BZW2: variants seen among roughly 807,000 people sequenced by gnomAD.
The protein encoded by BZW2 is eIF5-mimic protein 1.
Under a neutral mutation model 53.2 loss-of-function variants are expected in BZW2, and 23 were observed. The ratio of observed to expected loss-of-function variants is 0.43; its 90% CI spans 0.31 to 0.61. The LOEUF (loss-of-function observed/expected upper bound fraction) is 0.61. BZW2 is among the 20% of genes least tolerant of loss of function. The pLI is 0.09. For missense variants in BZW2, 409 were observed against 503.1 expected (o/e 0.81, Z 1.79); for synonymous variants, 227 against 186.4 (o/e 1.22, Z -1.77).
intron 7 of BZW2, among the ~76,000 whole-genome samples, chr7:16,693,107 G>C (rs532095472): frequency 6.6e-6 from 1 of 152,266 alleles, no homozygotes; most frequent in South Asian, 2.1e-4. Context: ...CTGCAGAATG[G>C]TGTGTAATGT....
intron 8 of BZW2, 150 bp downstream of exon 8, chr7:16,695,154 T>C: frequency 1.4e-6 from 1 of 707,428 alleles, no homozygotes; most frequent in South Asian, 6.0e-5. Flanking sequence ...TTAACTCAGC[T>C]TCAAAGTATT....
intron 1 of BZW2, among the ~76,000 whole-genome samples, chr7:16,663,003 A>G (rs905258079): frequency 2.0e-5 from 3 of 152,182 alleles, no homozygotes; most frequent in African/African-American, 7.2e-5. Context: ...AATAATATGT[A>G]TATCATCATC....
Position 16,694,854 on chromosome 7 carries a change from A to G in BZW2, c.672A>G (p.Arg224=), listed in dbSNP as rs1161650544. ...TTCAGGAACTCTTTCCAGTTAACAG[A>G]CAGAGTGTGGATCATTTTGCTAAAT... ...KRLLELFPVN[R]QSVDHFAKYF... The change falls in exon 8 of 12, where the codon AGA becomes AGG. Residue 224 remains arginine, a synonymous_variant. Transcript: ENST00000258761. The G allele has an allele frequency of 1.3e-6, 2 of 1,530,512 alleles. No homozygotes were observed. Among genetic ancestry groups the G allele is most frequent in the Non-Finnish European group, 1.8e-6 (2 of 1,120,280 alleles). 94.8% of individuals were successfully genotyped at this position (1,530,512 alleles called of 1,614,324 possible).
At chr7:16,680,510 A>G (rs1018625811) in intron 3 of BZW2, among the ~76,000 whole-genome samples, 1 of 152,214 alleles carries the variant, frequency 6.6e-6, no homozygotes, top group African/African-American at 2.4e-5. Flanking sequence ...TATTAGAAAC[A>G]TGAAGTATAC....
intron 1 of BZW2, among the ~76,000 whole-genome samples, chr7:16,660,848 G>T (rs1329900077): frequency 6.6e-6 from 1 of 152,014 alleles, no homozygotes; most frequent in Non-Finnish European, 1.5e-5. Flanking sequence ...GTTCACAAAG[G>T]ACCTCCTGGG....
intron 8 of BZW2, among the ~76,000 whole-genome samples, chr7:16,696,401 C>T (rs1279315824): frequency 6.6e-6 from 1 of 152,198 alleles, no homozygotes; most frequent in African/African-American, 2.4e-5. Context: ...TGCCTTTGCA[C>T]TTACAATTTA....
intron 2 of BZW2, among the ~76,000 whole-genome samples, chr7:16,667,262 C>T (rs1420219693): frequency 4.3e-5 from 6 of 138,748 alleles, no homozygotes; most frequent in Admixed American, 3.1e-4. Flanking sequence ...GCCTGGGCAA[C>T]GAGTGAAGCT....
intron 2 of BZW2, among the ~76,000 whole-genome samples, chr7:16,672,301 A>G (rs2128357466): frequency 6.6e-6 from 1 of 152,110 alleles, no homozygotes; most frequent in Non-Finnish European, 1.5e-5. Context: ...TTTTTTGGAT[A>G]TTTGACAGGT....
chr7:16,674,397 A>G lies in BZW2; in HGVS notation c.59-15A>G. 3 of 1,545,716 alleles carry G rather than the reference A, an allele frequency of 1.9e-6. No homozygotes were observed. The highest frequency in any genetic ancestry group is 2.6e-6 in the Non-Finnish European group (3 of 1,139,892). ...TTTATTTATTTGACTGTTATTTTGA[A>G]TTGTTTTATTTTAGATGAAAAAGAG... On this transcript the variant is annotated splice_polypyrimidine_tract_variant and intron_variant, in intron 2 of 11. Transcript: ENST00000258761.
intron 3 of BZW2, among the ~76,000 whole-genome samples, chr7:16,676,306 T>C (rs1253117329): frequency 2.0e-5 from 3 of 152,158 alleles, no homozygotes; most frequent in Non-Finnish European, 1.5e-5. Context: ...CCCAGCACTT[T>C]GGGAAGCCAA....
chr7:16,654,640 T>A (rs1428185560), intron 1 of BZW2, among the ~76,000 whole-genome samples: 1 of 151,652 alleles, frequency 6.6e-6, no homozygotes, highest in African/African-American at 2.4e-5. Flanking sequence ...GTTCAAGTGA[T>A]TCTCATGCCT....
intron 1 of BZW2, among the ~76,000 whole-genome samples, chr7:16,650,699 C>G (rs2128349481): frequency 6.6e-6 from 1 of 152,310 alleles, no homozygotes; most frequent in East Asian, 1.9e-4. Flanking sequence ...ATCCACCAAT[C>G]TTAGCAGGTC....
intron 10 of BZW2, among the ~76,000 whole-genome samples, chr7:16,699,526 A>G (rs1160565474): frequency 2.6e-5 from 4 of 152,118 alleles, no homozygotes; most frequent in African/African-American, 4.8e-5. Context: ...ACTACGGAAA[A>G]CCAAACTGTT....
chr7:16,662,315 T>G (rs1782291029), intron 1 of BZW2: 1 of 152,188 alleles, frequency 6.6e-6, no homozygotes, highest in African/African-American at 2.4e-5. Flanking sequence ...GCATACATTT[T>G]TATGTTTACA....
In BZW2 at chr7:16,678,087, C is replaced by CTTTTTTTTT. The variant is rs71007780; in HGVS notation, c.236-3197_236-3189dup. Among the ~76,000 whole-genome samples, 103 of 66,886 alleles carry CTTTTTTTTT rather than the reference C, an allele frequency of 1.5e-3. 2 individuals are homozygous for CTTTTTTTTT. Among genetic ancestry groups the CTTTTTTTTT allele is most frequent in the East Asian group, 3.9e-3 (7 of 1,792 alleles). 43.9% of individuals were successfully genotyped at this position (66,886 alleles called of 152,430 possible). A position where few individuals can be genotyped will look rare whatever the true frequency, so the allele number is the denominator to read the frequency against. ...TCACAATTTACCTTCTTCCATTGTT[C>CTTTTTTTTT]TTTTTTTTTTTTTTTTTTTTTTTTT... On this transcript the variant is annotated intron_variant, in intron 3 of 11. Coordinates refer to ENST00000258761, the MANE Select transcript of BZW2 (RefSeq NM_014038.3).
At chr7:16,674,708 A>C in intron 3 of BZW2, 120 bp downstream of exon 3, 1 of 890,948 alleles carries the variant, frequency 1.1e-6, no homozygotes, top group Non-Finnish European at 1.5e-6. Flanking sequence ...AAAAATACAA[A>C]TGGAAGCCTA....
chr7:16,692,026 A>G (rs1310043889), intron 7 of BZW2, among the ~76,000 whole-genome samples: 2 of 152,186 alleles, frequency 1.3e-5, no homozygotes, highest in Non-Finnish European at 2.9e-5. Context: ...TTGTTGAATC[A>G]ACAAAAGAAT....
chr7:16,674,776 G>C (rs1243981185), intron 3 of BZW2, among the ~76,000 whole-genome samples, 188 bp downstream of exon 3: 6 of 152,118 alleles, frequency 3.9e-5, no homozygotes. Flanking sequence ...AATGATTATT[G>C]GTTAATAGAA....
intron 10 of BZW2, among the ~76,000 whole-genome samples, chr7:16,704,024 C>T (rs1216575115): frequency 1.3e-5 from 2 of 152,042 alleles, no homozygotes; most frequent in Non-Finnish European, 2.9e-5. Context: ...ACAACATAGC[C>T]CAGAAGTTCC....
Sources: gnomAD v4.1 joint callset for allele counts (sites outside exome capture counted in the v4.1 genomes callset) on GRCh38, gnomAD v4.1.1 for gene constraint, MANE v1.5 for transcripts, NCBI Gene and HGNC (gene_info 2026-07-23, HGNC 2026-07-21) for gene names.